Variants in PLA2G4E observed in about 807,000 individuals in gnomAD.
The protein encoded by PLA2G4E is phospholipase A2 group IVE.
In PLA2G4E, 84 loss-of-function variants were observed where a neutral mutation model predicts 109.1. The observed-to-expected ratio is 0.77, with a 90% CI of 0.65 to 0.92. The LOEUF (loss-of-function observed/expected upper bound fraction) is 0.92, where lower values mean the gene tolerates loss of function less well. Ranked by LOEUF, PLA2G4E falls within the 40% of genes least tolerant of loss-of-function variation. The probability of loss-of-function intolerance (pLI) is 0.00; values close to 1 mark genes in which losing one functional copy is unlikely to be tolerated. For missense variants in PLA2G4E, 1,057 were observed against 1,076.6 expected, an observed-to-expected ratio of 0.98 and a Z score of 0.25; for synonymous variants, 469 against 436.1, an observed-to-expected ratio of 1.08 and a Z score of -0.94.
In PLA2G4E at chr15:41,983,658, G is replaced by C. The variant is rs528448056; in HGVS notation, c.*96C>G. ...CAACCTGCTCACACCCATTGCCGGA[G>C]AGCAGAGCTGGCTGCGTAGTAACCT... On this transcript the variant is annotated 3_prime_UTR_variant, in exon 20 of 20. Transcript: ENST00000399518. The C allele has an allele frequency of 6.9e-4, 789 of 1,141,930 alleles. 1 individual carries two copies. Among genetic ancestry groups the C allele is most frequent in the Non-Finnish European group, 9.2e-4 (743 of 804,362 alleles). 70.7% of individuals were successfully genotyped at this position (1,141,930 alleles called of 1,614,324 possible).
Position 41,989,504 on chromosome 15 carries a change from G to A in PLA2G4E, c.1634C>T (p.Ala545Val), listed in dbSNP as rs761834901. 6.2e-6 allele frequency: 10 copies of A among 1,613,764 alleles called. No individual in the cohort carries two copies. Among genetic ancestry groups the A allele is most frequent in the Admixed American group, 3.3e-5 (2 of 59,984 alleles). The stretch of plus-strand genomic sequence containing the variant: ...GCCGAAGAGCTCGGAGGGGATGAAG[G>A]CCCCATACTTCTGCAGGCCCACCTC... The change falls in exon 15 of 20, where the codon GCC (alanine) becomes GTC (valine). Residue 545 changes from alanine to valine, a missense_variant. By Grantham distance (64) the Ala-to-Val change is moderately conservative (BLOSUM62 0). Coordinates refer to ENST00000399518, the Ensembl canonical transcript of PLA2G4E.
chr15:41,986,097 G>C, intron 17 of PLA2G4E, 92 bp from the exon 18 acceptor site: 1 of 1,366,808 alleles, frequency 7.3e-7, no homozygotes, highest in East Asian at 2.5e-5. Flanking sequence ...CCTGTCTGGA[G>C]CATCCTTCGC....
intron 1 of PLA2G4E, among the ~76,000 whole-genome samples, chr15:42,037,714 T>A (rs1441525429): frequency 1.3e-5 from 2 of 152,166 alleles, no homozygotes; most frequent in African/African-American, 4.8e-5. Context: ...ACCTGGGAGC[T>A]CATGGAGCCA....
chr15:42,007,036 A>G lies in PLA2G4E; in HGVS notation c.393+693T>C, dbSNP rs1178558656. Among the ~76,000 whole-genome samples the G allele has an allele frequency of 2.6e-5, 4 of 152,258 alleles. No homozygotes were observed. In the East Asian group the frequency reaches 7.7e-4, roughly 29 times the overall value. ...ATAATAAGTATAAAGCCCTTCTTGAAAAGATACGTCACGTAACAAAAATAA... is the reference window on the plus strand; with the variant it reads ...ATAATAAGTATAAAGCCCTTCTTGAGAAGATACGTCACGTAACAAAAATAA... On this transcript the variant is annotated intron_variant, in intron 3 of 19. Coordinates refer to ENST00000399518, the Ensembl canonical transcript of PLA2G4E.
intron 1 of PLA2G4E, among the ~76,000 whole-genome samples, chr15:42,040,397 A>G (rs1417497096): frequency 1.3e-5 from 2 of 152,216 alleles, no homozygotes; most frequent in Non-Finnish European, 2.9e-5. Flanking sequence ...TCATTTGGGG[A>G]AAAATAAGCT....
intron 1 of PLA2G4E, among the ~76,000 whole-genome samples, chr15:42,049,486 A>G (rs1018201487): frequency 2.0e-5 from 3 of 152,174 alleles, no homozygotes; most frequent in African/African-American, 7.2e-5. Context: ...CCCAGTATGG[A>G]GGATGGTCCC....
exon 18 of PLA2G4E, chr15:41,985,995 T>C: frequency 6.3e-7 from 1 of 1,593,538 alleles, no homozygotes; most frequent in Admixed American, 1.7e-5. Flanking sequence ...GGAAACCATC[T>C]AGCACTGTGT....
intron 1 of PLA2G4E, among the ~76,000 whole-genome samples, chr15:42,018,888 T>A (rs1205478109): frequency 6.6e-6 from 1 of 152,064 alleles, no homozygotes; most frequent in Non-Finnish European, 1.5e-5. Flanking sequence ...CACTCCTACT[T>A]TTATAGATAT....
At chr15:41,998,496 G>A (rs1313786272) in intron 10 of PLA2G4E, 1 of 152,174 alleles carries the variant, frequency 6.6e-6, no homozygotes, top group African/African-American at 2.4e-5. Context: ...CAGAGACTCA[G>A]TAAGGGCAAA....
intron 1 of PLA2G4E, among the ~76,000 whole-genome samples, chr15:42,039,003 G>T (rs558317752): frequency 6.6e-6 from 1 of 152,144 alleles, no homozygotes; most frequent in African/African-American, 2.4e-5. Context: ...GTTTTCATAG[G>T]CATTTTCCTT....
intron 14 of PLA2G4E, 113 bp downstream of exon 14, chr15:41,990,008 T>C (rs748002875): frequency 1.4e-4 from 113 of 817,292 alleles, no homozygotes; most frequent in Non-Finnish European, 2.1e-4. Context: ...AGTCTGGATG[T>C]AGAGGTTGAC....
At chr15:42,006,175 C>G (rs1759115033) in intron 3 of PLA2G4E, 54 bp from the exon 4 acceptor site, 4 of 1,604,106 alleles carry the variant, frequency 2.5e-6, no homozygotes, top group Non-Finnish European at 3.4e-6. Context: ...TTGACCCCTT[C>G]CCAGAACAAG....
rs568866423 is a variant in PLA2G4E, at chr15:42,035,737, T to C, written c.183+14784A>G. 6.8e-4 allele frequency among the ~76,000 whole-genome samples: 104 copies of C among 152,336 alleles called. 1 individual carries two copies. Among genetic ancestry groups the C allele is most frequent in the African/African-American group, 2.5e-3 (102 of 41,564 alleles). ...AGGAGCACCCTGGGGCCTTTGACTC[T>C]GTCACCAGTGTGATTTTTTAAGGCT... On this transcript the variant is annotated intron_variant, in intron 1 of 19. Coordinates refer to ENST00000399518, the Ensembl canonical transcript of PLA2G4E.
intron 12 of PLA2G4E, among the ~76,000 whole-genome samples, chr15:41,994,303 C>CCG (rs1555385641): frequency 5.3e-5 from 8 of 151,944 alleles, no homozygotes; most frequent in Admixed American, 2.0e-4. Flanking sequence ...CTCTGCCCCC[C>CCG]GGGGGGGTGT....
chr15:41,989,272 C>G, intron 15 of PLA2G4E, 143 bp downstream of exon 15: 2 of 1,181,992 alleles, frequency 1.7e-6, no homozygotes, highest in South Asian at 3.3e-5. Context: ...CAGACCAACT[C>G]TGGTCCCCAG....
exon 4 of PLA2G4E, chr15:42,006,060 G>C (rs2068473423): frequency 6.2e-7 from 1 of 1,613,832 alleles, no homozygotes; most frequent in Non-Finnish European, 8.5e-7. Context: ...ATAGAGAACT[G>C]TCAGGAGATG....
At chr15:42,032,873 A>T (rs1889138752) in intron 1 of PLA2G4E, among the ~76,000 whole-genome samples, 1 of 152,164 alleles carries the variant, frequency 6.6e-6, no homozygotes, top group African/African-American at 2.4e-5. Context: ...GGGGACCGAG[A>T]TTTGGGTTAC....
intron 12 of PLA2G4E, among the ~76,000 whole-genome samples, chr15:41,994,465 A>G (rs930182382): frequency 1.4e-4 from 21 of 152,252 alleles, no homozygotes; most frequent in African/African-American, 4.8e-4. Flanking sequence ...CCTGCTTGAT[A>G]GGCCACCCTG....
At chr15:41,984,399 C>A in intron 19 of PLA2G4E, 37 bp downstream of exon 19, 1 of 1,573,762 alleles carries the variant, frequency 6.4e-7, no homozygotes. Context: ...GGGCCAAGGG[C>A]AGCAGGTGCT....
Sources: allele counts gnomAD v4.1 joint callset (sites outside exome capture counted in the v4.1 genomes callset), GRCh38; gene constraint gnomAD v4.1.1; transcripts MANE v1.5; gene names NCBI Gene and HGNC (gene_info 2026-07-23, HGNC 2026-07-21).